DKK2: variants seen among roughly 807,000 people sequenced by gnomAD.
The protein encoded by DKK2 is dickkopf Wnt signaling pathway inhibitor 2, also known as dickkopf-related protein 2.
Under a neutral mutation model 28.1 loss-of-function variants are expected in DKK2, and 11 were observed. That is an observed-to-expected ratio of 0.39 (90% CI 0.25 to 0.65). DKK2 has a LOEUF of 0.65. Ranked by LOEUF, DKK2 falls within the 30% of genes least tolerant of loss-of-function variation. The pLI is 0.47. For synonymous variants in DKK2, 135 were observed against 126.5 expected, an observed-to-expected ratio of 1.07 and a Z score of -0.45; for missense variants, 326 against 335.5, an observed-to-expected ratio of 0.97 and a Z score of 0.22.
intron 1 of DKK2, among the ~76,000 whole-genome samples, chr4:107,001,417 T>C (rs916896060): frequency 6.6e-6 from 1 of 152,204 alleles, no homozygotes; most frequent in Non-Finnish European, 1.5e-5. Flanking sequence ...ATTTGGGCAA[T>C]CCTAAAGGCT....
intron 3 of DKK2, 42 bp from the exon 4 acceptor site, chr4:106,924,246 G>GAA (rs763233866): frequency 2.0e-6 from 3 of 1,493,612 alleles, no homozygotes; most frequent in Admixed American, 2.1e-5. Flanking sequence ...TGACACTTCA[G>GAA]AAAAAAAAAA....
At chr4:106,947,826 C>T (rs3851421) in intron 1 of DKK2, among the ~76,000 whole-genome samples, 12,767 of 151,952 alleles carry the variant, frequency 0.084, 603 homozygotes, top group Middle Eastern at 0.15. Context: ...AGGTGTATAC[C>T]ACCATGCCTA....
At chr4:107,005,770 C>T (rs1476493880) in intron 1 of DKK2, among the ~76,000 whole-genome samples, 1 of 152,118 alleles carries the variant, frequency 6.6e-6, no homozygotes, top group African/African-American at 2.4e-5. Flanking sequence ...GATTCATATA[C>T]TCACCATTAG....
intron 1 of DKK2, among the ~76,000 whole-genome samples, chr4:106,961,598 C>CACACACACACACACACACAG: frequency 2.0e-5 from 3 of 151,128 alleles, no homozygotes; most frequent in Non-Finnish European, 4.4e-5. Flanking sequence ...CACACACACA[C>CACACACACACACACACACAG]AGTCTGGTAA....
At chr4:106,960,982 C>T (rs1254420742) in intron 1 of DKK2, among the ~76,000 whole-genome samples, 2 of 152,030 alleles carry the variant, frequency 1.3e-5, no homozygotes, top group Non-Finnish European at 2.9e-5. Flanking sequence ...TTATTCATTA[C>T]AATTATACAT....
chr4:107,005,494 C>A (rs551638942), intron 1 of DKK2, among the ~76,000 whole-genome samples: 12 of 152,132 alleles, frequency 7.9e-5, no homozygotes, highest in African/African-American at 2.4e-4. Context: ...AGAAGATCTG[C>A]TTCTTCCTTC....
chr4:106,984,246 C>A (rs528440661), intron 1 of DKK2, among the ~76,000 whole-genome samples: 1 of 152,268 alleles, frequency 6.6e-6, no homozygotes, highest in African/African-American at 2.4e-5. Flanking sequence ...AGTTTTGTTA[C>A]ACTAAGTACA....
chr4:106,987,061 A>C (rs1285529746), intron 1 of DKK2, among the ~76,000 whole-genome samples: 1 of 152,254 alleles, frequency 6.6e-6, no homozygotes, highest in Non-Finnish European at 1.5e-5. Context: ...AAATAATTGC[A>C]TGCTAACTAT....
chr4:107,035,236 T>C, intron 1 of DKK2, 134 bp downstream of exon 1: 1 of 1,060,504 alleles, frequency 9.4e-7, no homozygotes, highest in Non-Finnish European at 1.4e-6. Context: ...GTTCGGTGAA[T>C]CCCTCCCCAG....
At chr4:106,925,267 C>T (rs1204117544) in intron 2 of DKK2, among the ~76,000 whole-genome samples, 4 of 152,058 alleles carry the variant, frequency 2.6e-5, no homozygotes, top group Non-Finnish European at 4.4e-5. Context: ...ATGTTTTTGC[C>T]ACATCTTGTC....
intron 1 of DKK2, among the ~76,000 whole-genome samples, chr4:106,935,635 G>C (rs2110341670): frequency 6.6e-6 from 1 of 152,378 alleles, no homozygotes; most frequent in East Asian, 1.9e-4. Flanking sequence ...AGGCCTGCCT[G>C]CTTCTGTAGG....
At chr4:106,932,530 C>T (rs1382721975) in intron 1 of DKK2, among the ~76,000 whole-genome samples, 1 of 152,094 alleles carries the variant, frequency 6.6e-6, no homozygotes, top group Non-Finnish European at 1.5e-5. Flanking sequence ...ATGGTCTCAG[C>T]TCCTAGAGAT....
chr4:106,988,284 C>A (rs561496660), intron 1 of DKK2, among the ~76,000 whole-genome samples: 1 of 152,248 alleles, frequency 6.6e-6, no homozygotes, highest in South Asian at 2.1e-4. Context: ...ATTCCAAGCT[C>A]TGTTTTTAAA....
chr4:107,022,694 A>C (rs1026007762), intron 1 of DKK2, among the ~76,000 whole-genome samples: 5 of 152,028 alleles, frequency 3.3e-5, no homozygotes, highest in Admixed American at 2.6e-4. Flanking sequence ...AATGTTTCAG[A>C]GAGTAGGAAA....
intron 1 of DKK2, among the ~76,000 whole-genome samples, chr4:106,994,986 A>G (rs1330902851): frequency 1.3e-5 from 2 of 152,234 alleles, no homozygotes; most frequent in Non-Finnish European, 2.9e-5. Context: ...AGCCTGGCAT[A>G]TTATTTTATT....
At chr4:106,958,135 T>TTA (rs1181299939) in intron 1 of DKK2, among the ~76,000 whole-genome samples, 2 of 150,412 alleles carry the variant, frequency 1.3e-5, no homozygotes, top group Non-Finnish European at 3.0e-5. Flanking sequence ...TAAAAGTATA[T>TTA]TATATATATA....
intron 1 of DKK2, among the ~76,000 whole-genome samples, chr4:106,955,180 T>A (rs565442701): frequency 5.3e-5 from 8 of 152,240 alleles, no homozygotes; most frequent in African/African-American, 1.9e-4. Context: ...TGGGCTTTTA[T>A]TTTTTCTTTT....
At chr4:107,011,822 G>A (rs1723522817) in intron 1 of DKK2, among the ~76,000 whole-genome samples, 1 of 151,146 alleles carries the variant, frequency 6.6e-6, no homozygotes, top group Admixed American at 6.6e-5. Context: ...AAAGTGTTTT[G>A]CACCATCAAT....
intron 1 of DKK2, among the ~76,000 whole-genome samples, chr4:106,978,315 T>G (rs1722973826): frequency 2.0e-5 from 3 of 152,106 alleles, no homozygotes; most frequent in African/African-American, 7.2e-5. Flanking sequence ...GCAGGAAGGT[T>G]TAGGTCTGCG....
Sources: allele counts gnomAD v4.1 joint callset (sites outside exome capture counted in the v4.1 genomes callset), GRCh38; gene constraint gnomAD v4.1.1; transcripts MANE v1.5; gene names NCBI Gene and HGNC (gene_info 2026-07-23, HGNC 2026-07-21).